HHIP: variants seen among roughly 807,000 people sequenced by gnomAD.
HHIP encodes the protein hedgehog-interacting protein.
A neutral mutation model predicts 74.0 loss-of-function variants in HHIP; 12 were observed. The ratio of observed to expected loss-of-function variants is 0.16; its 90% confidence interval spans 0.10 to 0.26. The LOEUF is 0.26. Ranked by LOEUF, HHIP falls within the 10% of genes least tolerant of loss-of-function variation. HHIP has a pLI of 1.00. For missense variants in HHIP, 788 were observed against 845.0 expected, an observed-to-expected ratio of 0.93 and a Z score of 0.84; for synonymous variants, 309 against 311.6, an observed-to-expected ratio of 0.99 and a Z score of 0.09.
intron 3 of HHIP, among the ~76,000 whole-genome samples, chr4:144,659,414 C>A (rs1728640926): frequency 6.6e-6 from 1 of 152,054 alleles, no homozygotes; most frequent in Admixed American, 6.5e-5. Context: ...TGTTTTGATT[C>A]TCTTATTTTA....
chr4:144,708,224 C>T lies in HHIP; in HGVS notation c.1214C>T (p.Pro405Leu). The T allele has an allele frequency of 6.2e-7, 1 of 1,614,146 alleles. No homozygotes were observed. The highest frequency in any genetic ancestry group is 2.2e-5 in the East Asian group (1 of 44,876). Residue 405 changes from proline (P) to leucine (L), a missense_variant, in exon 7 of 13, where the codon CCT becomes CTT. Pro to Leu is a moderately conservative substitution (Grantham distance 98, BLOSUM62 -3). This residue lies in a region of HHIP where 72 missense variants were observed against 130.6 expected (regional missense o/e 0.55). Coordinates refer to ENST00000296575, the MANE Select transcript of HHIP (RefSeq NM_022475.3). ...GTGGACACAGACATGTGCAACGTGC[C>T]TTATTCCATACCAAGGAGCAACCCA... Reference protein sequence around the residue: ...LDVDTDMCNVPYSIPRSNPHF... With the variant: ...LDVDTDMCNVLYSIPRSNPHF...
intron 11 of HHIP, among the ~76,000 whole-genome samples, chr4:144,722,449 T>A (rs779216930): frequency 2.0e-5 from 3 of 152,224 alleles, no homozygotes; most frequent in African/African-American, 4.8e-5. Context: ...TCTTTAGTAA[T>A]TTTTGTGTGT....
rs529468440 is a variant in HHIP, at chr4:144,743,738, A to T, written c.*5781A>T. On this transcript the variant is annotated 3_prime_UTR_variant, in exon 13 of 13. Coordinates refer to ENST00000296575, the MANE Select transcript of HHIP (RefSeq NM_022475.3). ...ACATTTAAGTACATAATATAAAAAGAACTGAACATTAACAGTAATGGGAAA... is the reference window on the plus strand; with the variant it reads ...ACATTTAAGTACATAATATAAAAAGTACTGAACATTAACAGTAATGGGAAA... 1.5e-4 allele frequency: 23 copies of T among 152,258 alleles called. No homozygotes were observed. In the South Asian group the frequency reaches 4.1e-3, roughly 27 times the overall value. The allele number at this position is 152,258 out of a possible 1,614,324, so 9.4% of individuals were successfully genotyped here. A position where few individuals can be genotyped will look rare whatever the true frequency, so the allele number is the denominator to read the frequency against.
rs964511696 is a variant in HHIP at position 144,742,084 on chromosome 4, C to A, written c.*4127C>A. The A allele has an allele frequency of 2.0e-5, 3 of 151,612 alleles. No individual in the cohort carries two copies. Among genetic ancestry groups the A allele is most frequent in the Non-Finnish European group, 4.4e-5 (3 of 67,912 alleles). The allele number at this position is 151,612 out of a possible 1,614,324, so 9.4% of individuals were successfully genotyped here. ...ATACACACACACACACACATACATA[C>A]ATACATACATATATTCTTTTTCCTT... On this transcript the variant is annotated 3_prime_UTR_variant, in exon 13 of 13. Transcript: ENST00000296575.
chr4:144,694,729 G>T (rs1293117313), intron 4 of HHIP, among the ~76,000 whole-genome samples: 1 of 151,696 alleles, frequency 6.6e-6, no homozygotes, highest in Non-Finnish European at 1.5e-5. Flanking sequence ...AAGTAAAAAG[G>T]TATAAATCAC....
chr4:144,727,911 A>C (rs1437224836), intron 11 of HHIP, among the ~76,000 whole-genome samples: 1 of 152,184 alleles, frequency 6.6e-6, no homozygotes, highest in Non-Finnish European at 1.5e-5. Flanking sequence ...CTGAACCAGG[A>C]AAGAGTTCCA....
Position 144,706,617 on chromosome 4 carries a change from C to A in HHIP, c.918C>A (p.Asn306Lys). 6.2e-7 allele frequency: 1 copy of A among 1,613,718 alleles called. No homozygotes were observed. Among genetic ancestry groups the A allele is most frequent in the Non-Finnish European group, 8.5e-7 (1 of 1,179,752 alleles). The change falls in exon 5 of 13, where the codon AAC (asparagine) becomes AAA (lysine). Residue 306 changes from asparagine to lysine, a missense_variant. Transcript: ENST00000296575. Reference protein sequence around the residue: ...NGKLYVSYTTNQERWAIGPHD... With the variant: ...NGKLYVSYTTKQERWAIGPHD... The stretch of plus-strand genomic sequence containing the variant: ...AGTTGTATGTGTCCTATACCACCAA[C>A]CAAGAACGGTGGGCTATCGGGCCTC...
intron 6 of HHIP, 94 bp from the exon 7 acceptor site, chr4:144,708,074 A>AT (rs948552100): frequency 2.5e-5 from 33 of 1,340,376 alleles, no homozygotes; most frequent in African/African-American, 2.2e-4. Flanking sequence ...TAAGGGGATG[A>AT]TTTTTTCATC....
Position 144,675,253 on chromosome 4 carries a change from C to T in HHIP, c.831+15415C>T, listed in dbSNP as rs17019616. Among the ~76,000 whole-genome samples the T allele has an allele frequency of 5.4e-3, 819 of 152,186 alleles. 8 individuals are homozygous for T. The highest frequency in any genetic ancestry group is 0.019 in the African/African-American group (798 of 41,534). ...ATCTCTCTAATTTTGCTAATTTGAA[C>T]TTACTATGTGACTTGAAAATGCATA... On this transcript the variant is annotated intron_variant, in intron 4 of 12. Coordinates refer to ENST00000296575, the MANE Select transcript of HHIP (RefSeq NM_022475.3).
At position 144,737,805 on chromosome 4, in the gene HHIP, A is replaced by G. The variant is rs1344032224; in HGVS notation, c.1951A>G (p.Arg651Gly). 6.2e-7 allele frequency: 1 copy of G among 1,613,518 alleles called. No homozygotes were observed. The highest frequency in any genetic ancestry group is 1.7e-5 in the Admixed American group (1 of 59,952). The change falls in exon 13 of 13, where the codon AGA (arginine) becomes GGA (glycine). Residue 651 changes from arginine to glycine, a missense_variant. Arg to Gly is a moderately radical substitution (Grantham distance 125). This residue lies in a region of HHIP where 343 missense variants were observed against 347.9 expected (regional missense o/e 0.99). Coordinates refer to ENST00000296575, the MANE Select transcript of HHIP (RefSeq NM_022475.3). ...PACRHGGVCV[R>G]PNKCLCKKGY... is the part of the protein sequence containing the mutation. The stretch of plus-strand genomic sequence containing the variant: ...ATGTCGTCATGGAGGTGTCTGTGTT[A>G]GACCGAACAAGTGCCTCTGTAAAAA...
At chr4:144,730,950 T>A (rs1660553922) in intron 11 of HHIP, among the ~76,000 whole-genome samples, 1 of 152,186 alleles carries the variant, frequency 6.6e-6, no homozygotes, top group Admixed American at 6.5e-5. Context: ...AAGACAATCC[T>A]CTCTCTTTAT....
At position 144,658,979 on chromosome 4, in the gene HHIP, A is replaced by T. The variant is rs532026986; in HGVS notation, c.629+33A>T. 50 of 1,539,572 alleles carry T rather than the reference A, an allele frequency of 3.2e-5. No individual in the cohort carries two copies. In the African/African-American group the frequency reaches 4.3e-4, roughly 13 times the overall value. The stretch of plus-strand genomic sequence containing the variant: ...AAGATAAATGCTCTTTAATCTTTTT[A>T]AAAAAACCCAACTGACAAATCTTGT... On this transcript the variant is annotated intron_variant, in intron 3 of 12. Coordinates refer to ENST00000296575, the MANE Select transcript of HHIP (RefSeq NM_022475.3).
chr4:144,664,727 T>C (rs1046150933), intron 4 of HHIP, among the ~76,000 whole-genome samples: 17 of 152,198 alleles, frequency 1.1e-4, no homozygotes, highest in African/African-American at 4.1e-4. Context: ...TAGGTTAGAA[T>C]AAAGCCTGTG....
intron 11 of HHIP, among the ~76,000 whole-genome samples, chr4:144,723,811 C>A (rs942748095): frequency 6.6e-6 from 1 of 152,166 alleles, no homozygotes; most frequent in Non-Finnish European, 1.5e-5. Context: ...AGGTCATGAA[C>A]AAGTATATGC....
intron 4 of HHIP, among the ~76,000 whole-genome samples, chr4:144,684,408 G>A (rs1428494060): frequency 6.7e-6 from 1 of 150,032 alleles, no homozygotes; most frequent in Non-Finnish European, 1.5e-5. Flanking sequence ...ACAGGCGCTC[G>A]CCACCACGCC....
chr4:144,679,483 G>A (rs1578693986), intron 4 of HHIP, among the ~76,000 whole-genome samples: 1 of 152,134 alleles, frequency 6.6e-6, no homozygotes, highest in East Asian at 1.9e-4. Flanking sequence ...TATTGCCTAA[G>A]TTTTCTTCTA....
intron 4 of HHIP, among the ~76,000 whole-genome samples, chr4:144,689,324 A>G (rs1729580575): frequency 6.6e-6 from 1 of 152,242 alleles, no homozygotes; most frequent in Non-Finnish European, 1.5e-5. Context: ...TATGAGAATG[A>G]CATCATAATG....
At chr4:144,715,481 G>C (rs943534277) in intron 10 of HHIP, 51 bp downstream of exon 10, 1 of 1,569,918 alleles carries the variant, frequency 6.4e-7, no homozygotes, top group Non-Finnish European at 8.7e-7. Flanking sequence ...CCTTTTTCAA[G>C]AGGCTTTGTT....
intron 4 of HHIP, among the ~76,000 whole-genome samples, chr4:144,671,585 A>C (rs1171867327): frequency 1.3e-5 from 2 of 152,218 alleles, no homozygotes; most frequent in Non-Finnish European, 2.9e-5. Context: ...TAATCATGGC[A>C]TAGCCATATC....
Sources: gnomAD v4.1 joint callset for allele counts (sites outside exome capture counted in the v4.1 genomes callset) on GRCh38, gnomAD v4.1.1 for gene constraint, gnomAD v4.1.1 regional missense constraint, MANE v1.5 for transcripts, NCBI Gene and HGNC (gene_info 2026-07-23, HGNC 2026-07-21) for gene names.